The following IL1RAP variants were observed in gnomAD, a reference collection of about 807,000 sequenced individuals.
IL1RAP encodes the protein interleukin 1 receptor accessory protein, also known as interleukin-1 receptor accessory protein.
Under a neutral mutation model 60.7 loss-of-function variants are expected in IL1RAP, and 35 were observed. The ratio of observed to expected loss-of-function variants is 0.58; its 90% CI spans 0.44 to 0.76. The LOEUF is 0.76. Ranked by LOEUF, IL1RAP falls within the 30% of genes least tolerant of loss-of-function variation. IL1RAP has a pLI of 0.00. For missense variants in IL1RAP, 572 were observed against 693.9 expected (o/e 0.82, Z 1.97); for synonymous variants, 268 against 250.9 (o/e 1.07, Z -0.64).
chr3:190,634,864 C>T (rs556231145), intron 9 of IL1RAP, among the ~76,000 whole-genome samples: 17 of 152,100 alleles, frequency 1.1e-4, no homozygotes, highest in Admixed American at 2.0e-4. Context: ...TACAGGCGTC[C>T]GCCTCCACGG....
At chr3:190,629,842 A>C (rs1732633424) in intron 9 of IL1RAP, 1 of 1,001,552 alleles carries the variant, frequency 1.0e-6, no homozygotes, top group Non-Finnish European at 1.2e-6. Context: ...AGAGCCACAT[A>C]TTGTTGGTGA....
Position 190,649,980 on chromosome 3 carries a change from C to A in IL1RAP, c.*1275C>A. The A allele has an allele frequency of 3.0e-6, 2 of 675,610 alleles. No individual in the cohort carries two copies. Among genetic ancestry groups the A allele is most frequent in the African/African-American group, 2.0e-5 (1 of 50,860 alleles). 41.9% of individuals were successfully genotyped at this position (675,610 alleles called of 1,614,324 possible). ...TATATGAGATATATATCTTATATCT[C>A]CACAAACACAAATTATATATATACA... On this transcript the variant is annotated 3_prime_UTR_variant, in exon 12 of 12. Coordinates refer to ENST00000447382, the MANE Select transcript of IL1RAP (RefSeq NM_002182.4).
At chr3:190,531,491 C>T (rs1378345882) in intron 1 of IL1RAP, among the ~76,000 whole-genome samples, 1 of 151,136 alleles carries the variant, frequency 6.6e-6, no homozygotes, top group Non-Finnish European at 1.5e-5. Flanking sequence ...TACCTTAACA[C>T]CCTCAGGAAA....
chr3:190,638,903 T>G (rs1320526985), intron 9 of IL1RAP, among the ~76,000 whole-genome samples: 5 of 152,180 alleles, frequency 3.3e-5, no homozygotes, highest in Non-Finnish European at 2.9e-5. Context: ...CTATTTCTTT[T>G]CTTTCAGCCC....
At chr3:190,653,367 T>C (rs1054087286), downstream of IL1RAP, among the ~76,000 whole-genome samples, 1 of 152,226 alleles carries the variant, frequency 6.6e-6, no homozygotes, top group Non-Finnish European at 1.5e-5. Context: ...CTTTATCATA[T>C]GCATTTTATA....
At chr3:190,622,022 C>T (rs1329234264) in intron 6 of IL1RAP, among the ~76,000 whole-genome samples, 5 of 148,538 alleles carry the variant, frequency 3.4e-5, no homozygotes, top group East Asian at 2.0e-4. Context: ...ACTAATGTGC[C>T]GGCCTTAACA....
chr3:190,571,905 A>G (rs954364029), intron 3 of IL1RAP, among the ~76,000 whole-genome samples: 2 of 139,318 alleles, frequency 1.4e-5, no homozygotes, highest in Non-Finnish European at 3.4e-5. Flanking sequence ...GGCCCAAGAC[A>G]ATTCTTCTTC....
intron 5 of IL1RAP, among the ~76,000 whole-genome samples, chr3:190,614,622 T>C (rs1731104616): frequency 6.6e-6 from 1 of 152,162 alleles, no homozygotes; most frequent in African/African-American, 2.4e-5. Context: ...GGTTGAGAAA[T>C]ATTTCCAAGG....
At chr3:190,580,022 A>C (rs913403120) in intron 3 of IL1RAP, among the ~76,000 whole-genome samples, 6 of 152,206 alleles carry the variant, frequency 3.9e-5, no homozygotes, top group African/African-American at 1.4e-4. Context: ...ATCATGAATA[A>C]TGCTACTATG....
At chr3:190,623,212 T>C (rs1731933474) in intron 6 of IL1RAP, 132 bp from the exon 7 acceptor site, 2 of 679,308 alleles carry the variant, frequency 2.9e-6, no homozygotes, top group Non-Finnish European at 5.3e-6. Context: ...GAGTATATCT[T>C]GGACTATAGG....
chr3:190,517,963 T>C (rs2108585569), intron 1 of IL1RAP: 1 of 151,970 alleles, frequency 6.6e-6, no homozygotes, highest in South Asian at 2.1e-4. Flanking sequence ...GAAATTGTTC[T>C]GCATGGAAAA....
intron 1 of IL1RAP, among the ~76,000 whole-genome samples, chr3:190,541,662 C>T (rs565546222): frequency 6.6e-6 from 1 of 152,128 alleles, no homozygotes; most frequent in African/African-American, 2.4e-5. Context: ...ATTTTTAAGT[C>T]TACTGTTTTG....
At chr3:190,539,467 A>C (rs1423504742) in intron 1 of IL1RAP, among the ~76,000 whole-genome samples, 1 of 152,086 alleles carries the variant, frequency 6.6e-6, no homozygotes, top group Non-Finnish European at 1.5e-5. Flanking sequence ...AAGTATCTCC[A>C]TCTTCCCCAC....
At chr3:190,643,620 C>T (rs911861546) in intron 9 of IL1RAP, among the ~76,000 whole-genome samples, 2 of 152,154 alleles carry the variant, frequency 1.3e-5, no homozygotes, top group African/African-American at 2.4e-5. Flanking sequence ...GAACTGTGAA[C>T]ATGGGAAATA....
chr3:190,521,950 G>C (rs1240144617), intron 1 of IL1RAP, among the ~76,000 whole-genome samples: 2 of 144,356 alleles, frequency 1.4e-5, no homozygotes, highest in Non-Finnish European at 3.0e-5. Flanking sequence ...TTCTAGCGTT[G>C]AGTACACATT....
At chr3:190,585,152 G>C (rs144104836) in intron 3 of IL1RAP, among the ~76,000 whole-genome samples, 2 of 152,278 alleles carry the variant, frequency 1.3e-5, no homozygotes, top group Admixed American at 1.3e-4. Context: ...CCTACAAACT[G>C]TAACAAAGTG....
chr3:190,532,492 G>A (rs981850992), intron 1 of IL1RAP, among the ~76,000 whole-genome samples: 1 of 152,100 alleles, frequency 6.6e-6, no homozygotes, highest in Non-Finnish European at 1.5e-5. Context: ...TCGATCTCCT[G>A]ACCTCGTGAT....
chr3:190,646,197 A>G (rs976122157), intron 11 of IL1RAP, among the ~76,000 whole-genome samples: 5 of 151,858 alleles, frequency 3.3e-5, no homozygotes, highest in Admixed American at 6.6e-5. Context: ...GAACTGTTTT[A>G]CAAGACTGAG....
intron 1 of IL1RAP, among the ~76,000 whole-genome samples, chr3:190,534,929 A>AAAG (rs1553828409): frequency 6.7e-6 from 1 of 150,106 alleles, no homozygotes; most frequent in African/African-American, 2.5e-5. Flanking sequence ...AAAAAAAAAA[A>AAAG]AAAAAGAAAA....
Sources: gnomAD v4.1 joint callset for allele counts (sites outside exome capture counted in the v4.1 genomes callset) on GRCh38, gnomAD v4.1.1 for gene constraint, MANE v1.5 for transcripts, NCBI Gene and HGNC (gene_info 2026-07-23, HGNC 2026-07-21) for gene names.